The following SGCZ variants were observed in gnomAD, a reference collection of about 807,000 sequenced individuals.
SGCZ encodes zeta-sarcoglycan.
In SGCZ, 40 loss-of-function variants were observed where a neutral mutation model predicts 41.3. The observed-to-expected ratio is 0.97, with a 90% CI of 0.75 to 1.26. The LOEUF is 1.26. Among genes scored for constraint, SGCZ ranks in the 50% most tolerant of loss-of-function variants. SGCZ has a pLI of 0.00. For synonymous variants in SGCZ, 206 were observed against 137.5 expected, an observed-to-expected ratio of 1.50 and a Z score of -3.49; for missense variants, 552 against 369.8, an observed-to-expected ratio of 1.49 and a Z score of -4.04.
At chr8:14,511,052 C>G (rs544629743) in intron 2 of SGCZ, among the ~76,000 whole-genome samples, 1 of 151,964 alleles carries the variant, frequency 6.6e-6, no homozygotes. Flanking sequence ...CGAGCAAACA[C>G]AGATGGTTAC....
At chr8:14,512,823 T>A (rs10094262) in intron 2 of SGCZ, among the ~76,000 whole-genome samples, 1 of 151,984 alleles carries the variant, frequency 6.6e-6, no homozygotes, top group Non-Finnish European at 1.5e-5. Context: ...GGAACTTTAT[T>A]AATTGTCTAC....
At chr8:15,209,475 T>TAAA (rs57088562) in intron 1 of SGCZ, among the ~76,000 whole-genome samples, 12 of 142,220 alleles carry the variant, frequency 8.4e-5, no homozygotes, top group African/African-American at 3.0e-4. Flanking sequence ...AGCATAATAG[T>TAAA]AAAAAAAAAA....
intron 2 of SGCZ, among the ~76,000 whole-genome samples, chr8:14,370,156 A>C: frequency 6.6e-6 from 1 of 151,968 alleles, no homozygotes; most frequent in East Asian, 1.9e-4. Flanking sequence ...ACAAAGGAGA[A>C]GAAAGGAGAG....
chr8:15,024,182 C>A (rs1329003122), intron 1 of SGCZ, among the ~76,000 whole-genome samples: 4 of 152,052 alleles, frequency 2.6e-5, no homozygotes, highest in African/African-American at 7.2e-5. Flanking sequence ...TTGCAGATAA[C>A]CAGGCACCAT....
intron 2 of SGCZ, among the ~76,000 whole-genome samples, chr8:14,436,225 G>A (rs1800086842): frequency 1.3e-5 from 2 of 152,182 alleles, no homozygotes; most frequent in Admixed American, 6.5e-5. Context: ...CACGGAACTC[G>A]TGGCACAGAC....
intron 1 of SGCZ, among the ~76,000 whole-genome samples, chr8:14,816,270 C>T (rs1050346426): frequency 3.9e-5 from 6 of 152,212 alleles, no homozygotes; most frequent in Non-Finnish European, 8.8e-5. Flanking sequence ...TACAGCTCTT[C>T]AACGTATTTC....
rs1168499424 is a variant in SGCZ, at chr8:14,879,587, GACACACAGACACACACACACACAC to G, written c.40-324685_40-324662del. Among the ~76,000 whole-genome samples the G allele has an allele frequency of 4.8e-5, 5 of 104,558 alleles. No individual in the cohort carries two copies. In the East Asian group the frequency reaches 1.6e-3, roughly 33 times the overall value. The allele number at this position is 104,558 out of a possible 152,430, so 68.6% of individuals were successfully genotyped here. Reference sequence around the variant, plus strand: ...CAATGAGGGGAGATACACACACACAGACACACAGACACACACACACACACACACACACACACTATTGCTTCATTA... The same window carrying G: ...CAATGAGGGGAGATACACACACACAGACACACACACACTATTGCTTCATTA... On this transcript the variant is annotated intron_variant, in intron 1 of 7. Transcript: ENST00000382080.
intron 1 of SGCZ, among the ~76,000 whole-genome samples, chr8:15,154,972 G>A (rs1220518075): frequency 1.2e-4 from 18 of 152,204 alleles, no homozygotes; most frequent in African/African-American, 3.6e-4. Flanking sequence ...GAGAAGAGCC[G>A]ATTTTGAATA....
intron 1 of SGCZ, among the ~76,000 whole-genome samples, chr8:14,649,540 T>G (rs879556800): frequency 6.6e-6 from 1 of 151,460 alleles, no homozygotes; most frequent in East Asian, 1.9e-4. Context: ...GTATCTGAGA[T>G]AGTGTTTTTG....
At chr8:14,929,429 C>T (rs540401592) in intron 1 of SGCZ, among the ~76,000 whole-genome samples, 34 of 151,948 alleles carry the variant, frequency 2.2e-4, no homozygotes, top group Non-Finnish European at 4.4e-4. Context: ...ATACTCTCAC[C>T]CAGATATGTT....
intron 3 of SGCZ, among the ~76,000 whole-genome samples, chr8:14,260,641 T>G (rs1281507709): frequency 9.9e-5 from 15 of 151,584 alleles, no homozygotes; most frequent in Non-Finnish European, 1.8e-4. Flanking sequence ...TAAAGACACA[T>G]GCACACGTAT....
At chr8:14,460,128 C>A (rs1204567921) in intron 2 of SGCZ, among the ~76,000 whole-genome samples, 1 of 152,174 alleles carries the variant, frequency 6.6e-6, no homozygotes, top group East Asian at 1.9e-4. Context: ...CCATTAGGAG[C>A]AGCTAGGTGA....
chr8:14,919,786 T>G (rs1372619210), intron 1 of SGCZ, among the ~76,000 whole-genome samples: 1 of 151,846 alleles, frequency 6.6e-6, no homozygotes, highest in African/African-American at 2.4e-5. Context: ...GGCATGGTGG[T>G]GCACGCTTGT....
At chr8:14,633,980 G>C (rs997622573) in intron 1 of SGCZ, among the ~76,000 whole-genome samples, 5 of 151,862 alleles carry the variant, frequency 3.3e-5, no homozygotes, top group African/African-American at 9.7e-5. Context: ...ACTTGGTTGA[G>C]ATCCAAGACT....
At chr8:14,200,490 TA>T (rs1805418077) in intron 4 of SGCZ, among the ~76,000 whole-genome samples, 1 of 152,160 alleles carries the variant, frequency 6.6e-6, no homozygotes, top group Admixed American at 6.5e-5. Context: ...GCAGTATTTT[TA>T]AAAGGACTGA....
intron 2 of SGCZ, among the ~76,000 whole-genome samples, chr8:14,499,025 T>C (rs1324396072): frequency 6.6e-6 from 1 of 152,076 alleles, no homozygotes; most frequent in Non-Finnish European, 1.5e-5. Context: ...TATTTCCACC[T>C]ACTATGGTTC....
At chr8:14,637,667 G>T (rs1806879416) in intron 1 of SGCZ, among the ~76,000 whole-genome samples, 1 of 151,720 alleles carries the variant, frequency 6.6e-6, no homozygotes, top group African/African-American at 2.4e-5. Flanking sequence ...CTTTTTTATG[G>T]CTGCATAACA....
intron 2 of SGCZ, among the ~76,000 whole-genome samples, chr8:14,378,951 G>T (rs1245701162): frequency 1.3e-5 from 2 of 152,106 alleles, no homozygotes; most frequent in Admixed American, 1.3e-4. Context: ...CTTTAGAAAA[G>T]TTAAAAATTA....
chr8:15,222,683 G>T (rs1801642964), intron 1 of SGCZ, among the ~76,000 whole-genome samples: 1 of 151,900 alleles, frequency 6.6e-6, no homozygotes, highest in Non-Finnish European at 1.5e-5. Context: ...AAACTGCTTG[G>T]CTGGTCAAGG....
Sources: gnomAD v4.1 joint callset for allele counts (sites outside exome capture counted in the v4.1 genomes callset) on GRCh38, gnomAD v4.1.1 for gene constraint, MANE v1.5 for transcripts, NCBI Gene and HGNC (gene_info 2026-07-23, HGNC 2026-07-21) for gene names.